SLIT2: variants seen among roughly 807,000 people sequenced by gnomAD.
The protein encoded by SLIT2 is slit guidance ligand 2.
In SLIT2, 41 loss-of-function variants were observed where a neutral mutation model predicts 185.7. The ratio of observed to expected loss-of-function variants is 0.22; its 90% confidence interval spans 0.17 to 0.29. The LOEUF is 0.29. Among genes scored for constraint, SLIT2 ranks in the 10% least tolerant of loss-of-function variants. SLIT2 has a pLI of 1.00. For missense variants in SLIT2, 1,571 were observed against 1,909.0 expected (o/e 0.82, Z 3.30); for synonymous variants, 693 against 680.2 (o/e 1.02, Z -0.29).
intron 4 of SLIT2, among the ~76,000 whole-genome samples, chr4:20,300,879 A>G (rs1003352951): frequency 4.6e-5 from 7 of 152,080 alleles, no homozygotes; most frequent in African/African-American, 1.4e-4. Flanking sequence ...CCTAAAATGC[A>G]ATAGCATTTA....
chr4:20,291,987 G>A (rs1037268803), intron 4 of SLIT2, among the ~76,000 whole-genome samples: 2 of 151,646 alleles, frequency 1.3e-5, no homozygotes, highest in Admixed American at 1.3e-4. Flanking sequence ...CGTATGTGCT[G>A]AAGAGGAGAA....
At position 20,562,128 on chromosome 4, in the gene SLIT2, C is replaced by T. The variant is rs186069444; in HGVS notation, c.2726-5134C>T. On this transcript the variant is annotated intron_variant, in intron 26 of 36. Transcript: ENST00000504154. ...CAATGCAAATTTACAGGATTTTAAC[C>T]TCTGTCATCTGGAGATCATCTCCAC... 3.2e-4 allele frequency among the ~76,000 whole-genome samples: 49 copies of T among 151,826 alleles called. No individual in the cohort carries two copies. In the East Asian group the frequency reaches 5.2e-3, roughly 16 times the overall value.
At chr4:20,423,137 C>T (rs1728290419) in intron 4 of SLIT2, among the ~76,000 whole-genome samples, 1 of 151,934 alleles carries the variant, frequency 6.6e-6, no homozygotes, top group Non-Finnish European at 1.5e-5. Flanking sequence ...ATATACTAGA[C>T]CCAAATTTTT....
At chr4:20,542,430 A>C (rs664208) in intron 20 of SLIT2, 64 bp from the exon 21 acceptor site, 34,509 of 1,522,172 alleles carry the variant, frequency 0.023, 1,647 homozygotes, top group African/African-American at 0.19. Context: ...TAAAGGCATA[A>C]AATCCCTTCT....
chr4:20,586,756 A>G (rs1435028724), intron 29 of SLIT2, among the ~76,000 whole-genome samples: 1 of 152,226 alleles, frequency 6.6e-6, no homozygotes, highest in South Asian at 2.1e-4. Flanking sequence ...AAATAGTTGA[A>G]AAGATCTGGC....
In SLIT2 at chr4:20,472,578, A is replaced by ATC. The variant is rs1219641551; in HGVS notation, c.467+4757_467+4758dup. On this transcript the variant is annotated intron_variant, in intron 5 of 36. Coordinates refer to ENST00000504154, the MANE Select transcript of SLIT2 (RefSeq NM_004787.4). The stretch of plus-strand genomic sequence containing the variant: ...TAGATATATATCTATATATAGATAT[A>ATC]TCTATATATAGATATATATCTATAG... Among the ~76,000 whole-genome samples the ATC allele has an allele frequency of 3.4e-4, 11 of 32,718 alleles. 4 individuals are homozygous for ATC. The highest frequency in any genetic ancestry group is 3.6e-4 in the Non-Finnish European group (8 of 22,196). The allele number at this position is 32,718 out of a possible 152,430, so 21.5% of individuals were successfully genotyped here.
At chr4:20,341,243 T>G (rs776863368) in intron 4 of SLIT2, among the ~76,000 whole-genome samples, 1 of 152,218 alleles carries the variant, frequency 6.6e-6, no homozygotes, top group Admixed American at 6.5e-5. Flanking sequence ...GAAGGAATTG[T>G]GTTCCCCTTC....
intron 30 of SLIT2, among the ~76,000 whole-genome samples, chr4:20,591,379 C>A (rs191419024): frequency 1.3e-5 from 2 of 152,094 alleles, no homozygotes; most frequent in African/African-American, 4.8e-5. Flanking sequence ...AAATATCAAT[C>A]TAAATTAAAT....
intron 4 of SLIT2, among the ~76,000 whole-genome samples, chr4:20,398,479 A>G (rs1726094228): frequency 6.6e-6 from 1 of 151,838 alleles, no homozygotes; most frequent in Non-Finnish European, 1.5e-5. Context: ...CGTGTTTGCA[A>G]ATAGCACTGA....
At chr4:20,273,957 C>T (rs1311848158) in intron 4 of SLIT2, among the ~76,000 whole-genome samples, 2 of 152,170 alleles carry the variant, frequency 1.3e-5, no homozygotes, top group Non-Finnish European at 2.9e-5. Flanking sequence ...GTTACAGTTG[C>T]TACGGTTACT....
In SLIT2 at chr4:20,393,595, C is replaced by T. The variant is rs551138851; in HGVS notation, c.396-74157C>T. 9.2e-5 allele frequency: 14 copies of T among 152,136 alleles called. No individual in the cohort carries two copies. The East Asian group carries it at 2.7e-3, about 29-fold the overall frequency. 9.4% of individuals were successfully genotyped at this position (152,136 alleles called of 1,614,324 possible). The stretch of plus-strand genomic sequence containing the variant: ...AACACCAGGCTTGTTCTGAGGTTCA[C>T]CCGACTCCACTGCATGTATTACGTG... On this transcript the variant is annotated intron_variant, in intron 4 of 36. Coordinates refer to ENST00000504154, the MANE Select transcript of SLIT2 (RefSeq NM_004787.4).
chr4:20,608,430 A>G (rs1171603957), intron 33 of SLIT2, among the ~76,000 whole-genome samples: 1 of 152,170 alleles, frequency 6.6e-6, no homozygotes, highest in Non-Finnish European at 1.5e-5. Context: ...AACTATACTT[A>G]TAAAATAATT....
chr4:20,430,090 A>C (rs1393283961), intron 4 of SLIT2, among the ~76,000 whole-genome samples: 2 of 152,236 alleles, frequency 1.3e-5, no homozygotes, highest in Non-Finnish European at 2.9e-5. Flanking sequence ...TGAAAAAAAC[A>C]CAGACTAAGC....
At chr4:20,257,677 T>A (rs1711988860) in intron 2 of SLIT2, among the ~76,000 whole-genome samples, 191 bp from the exon 3 acceptor site, 1 of 151,980 alleles carries the variant, frequency 6.6e-6, no homozygotes, top group Non-Finnish European at 1.5e-5. Context: ...AGTTTTGTGA[T>A]GCAGACACTG....
At chr4:20,438,375 C>T (rs1729505346) in intron 4 of SLIT2, among the ~76,000 whole-genome samples, 1 of 152,170 alleles carries the variant, frequency 6.6e-6, no homozygotes, top group Admixed American at 6.5e-5. Flanking sequence ...GAGTAAGTCA[C>T]ATCTTACGTG....
intron 4 of SLIT2, among the ~76,000 whole-genome samples, chr4:20,315,343 C>A (rs1718483515): frequency 6.6e-6 from 1 of 152,084 alleles, no homozygotes. Context: ...ACTCAAAGTA[C>A]ACAGCATTAG....
chr4:20,282,996 G>T (rs1377780429), intron 4 of SLIT2, among the ~76,000 whole-genome samples: 1 of 152,118 alleles, frequency 6.6e-6, no homozygotes, highest in Non-Finnish European at 1.5e-5. Flanking sequence ...TCGGCATTCT[G>T]TTGTAGCCTT....
At chr4:20,581,248 CT>C (rs1485660730) in intron 29 of SLIT2, among the ~76,000 whole-genome samples, 2 of 152,164 alleles carry the variant, frequency 1.3e-5, no homozygotes, top group East Asian at 3.9e-4. Flanking sequence ...CTATGCCTGT[CT>C]TTCTTGGTAT....
intron 4 of SLIT2, among the ~76,000 whole-genome samples, chr4:20,435,864 A>G (rs184118116): frequency 2.6e-5 from 4 of 152,344 alleles, no homozygotes; most frequent in Non-Finnish European, 5.9e-5. Flanking sequence ...GATATTGTGC[A>G]GATAAATTTA....
Sources: gnomAD v4.1 joint callset for allele counts (sites outside exome capture counted in the v4.1 genomes callset) on GRCh38, gnomAD v4.1.1 for gene constraint, MANE v1.5 for transcripts, NCBI Gene and HGNC (gene_info 2026-07-23, HGNC 2026-07-21) for gene names.